The following COL4A4 variants were observed in gnomAD, a reference collection of about 807,000 sequenced individuals.
COL4A4 encodes collagen type IV alpha 4 chain.
A neutral mutation model predicts 192.9 loss-of-function variants in COL4A4; 105 were observed. The observed-to-expected ratio is 0.54, with a 90% CI of 0.46 to 0.64. The LOEUF (loss-of-function observed/expected upper bound fraction) is 0.64, where lower values mean the gene tolerates loss of function less well. Among genes scored for constraint, COL4A4 ranks in the 30% least tolerant of loss-of-function variants. The pLI is 0.00. For missense variants in COL4A4, 1,967 were observed against 2,169.3 expected, an observed-to-expected ratio of 0.91 and a Z score of 1.85; for synonymous variants, 762 against 769.9, an observed-to-expected ratio of 0.99 and a Z score of 0.17.
chr2:227,093,349 G>A (rs948930422), intron 20 of COL4A4, among the ~76,000 whole-genome samples: 2 of 152,044 alleles, frequency 1.3e-5, no homozygotes, highest in African/African-American at 4.8e-5. Context: ...CTAAGATGTA[G>A]GTATACTTAA....
At chr2:227,050,943 TTG>T in intron 33 of COL4A4, 32 bp downstream of exon 33, 1 of 1,613,658 alleles carries the variant, frequency 6.2e-7, no homozygotes, top group Non-Finnish European at 8.5e-7. Context: ...AAAGGTTTTA[TTG>T]TCTCTTCCCC....
Position 227,119,941 on chromosome 2 carries a change from TA to T in COL4A4, c.328-3del. The stretch of plus-strand genomic sequence containing the variant: ...AAATCCAGGAACACCAGTTGGACCC[TA>T]AAATCCCAGAAAATAAAACAAAGAG... On this transcript the variant is annotated splice_polypyrimidine_tract_variant and splice_region_variant and intron_variant, in intron 5 of 47. Transcript: ENST00000396625. 1.3e-6 allele frequency: 2 copies of T among 1,576,042 alleles called. No individual in the cohort carries two copies. The highest frequency in any genetic ancestry group is 1.4e-5 in the African/African-American group (1 of 73,710).
At chr2:227,036,936 C>G (rs1011922468) in intron 37 of COL4A4, among the ~76,000 whole-genome samples, 1 of 152,104 alleles carries the variant, frequency 6.6e-6, no homozygotes, top group Non-Finnish European at 1.5e-5. Flanking sequence ...AATATGGATA[C>G]AAAATCCATA....
intron 25 of COL4A4, among the ~76,000 whole-genome samples, chr2:227,063,982 T>C (rs1383948756): frequency 6.6e-6 from 1 of 152,164 alleles, no homozygotes; most frequent in African/African-American, 2.4e-5. Flanking sequence ...GTAATGCTTT[T>C]ATTTGTTTAA....
chr2:227,008,211 C>T lies in COL4A4; in HGVS notation c.4616G>A (p.Arg1539Lys), dbSNP rs1299842916. 6.2e-7 allele frequency: 1 copy of T among 1,614,092 alleles called. No homozygotes were observed. The highest frequency in any genetic ancestry group is 2.2e-5 in the East Asian group (1 of 44,900). The change falls in exon 47 of 48, where the codon AGA becomes AAA. Residue 1539 changes from arginine (R) to lysine (K), a missense_variant. By Grantham distance (26) the Arg-to-Lys change is conservative (BLOSUM62 2). Coordinates refer to ENST00000396625, the MANE Select transcript of COL4A4 (RefSeq NM_000092.5). ...CGCAGCGCTGGCCAGCCAGTAGGAT[C>T]TGTCGTTTCTCTGGGCATAGTGGCA... ...QVCHYAQRND[R>K]SYWLASAAPL...
chr2:227,027,652 G>GA (rs1244210482), intron 42 of COL4A4, among the ~76,000 whole-genome samples: 1 of 141,350 alleles, frequency 7.1e-6, no homozygotes, highest in East Asian at 2.0e-4. Context: ...TATATATATA[G>GA]AAAAAAATTA....
intron 4 of COL4A4, among the ~76,000 whole-genome samples, chr2:227,131,112 T>A (rs1026403558): frequency 1.9e-4 from 29 of 152,078 alleles, no homozygotes; most frequent in African/African-American, 6.8e-4. Flanking sequence ...CTTTCAAAAA[T>A]TTCTTATTAT....
rs149127892 is a variant in COL4A4 at position 227,143,387 on chromosome 2, A to G, written c.114+1129T>C. On this transcript the variant is annotated intron_variant, in intron 3 of 47. Transcript: ENST00000396625. ...CCTGTGTCAATAGGTACGTGCATTC[A>G]AAATCCGGATGGGTAATACCAAATC... Among the ~76,000 whole-genome samples the G allele has an allele frequency of 1.2e-3, 189 of 152,338 alleles. 1 individual carries two copies. The highest frequency in any genetic ancestry group is 4.4e-3 in the African/African-American group (182 of 41,582).
At chr2:227,141,045 G>A (rs2063173893) in intron 3 of COL4A4, among the ~76,000 whole-genome samples, 1 of 152,140 alleles carries the variant, frequency 6.6e-6, no homozygotes, top group Admixed American at 6.5e-5. Flanking sequence ...TCCCTTAACA[G>A]CAATCACCAT....
intron 3 of COL4A4, among the ~76,000 whole-genome samples, chr2:227,144,011 T>A (rs13409482): frequency 0.52 from 78,468 of 152,028 alleles, 21,129 homozygotes; most frequent in African/African-American, 0.66. Context: ...ACAGATAGGG[T>A]TATGTTCACT....
At position 227,057,830 on chromosome 2, in the gene COL4A4, C is replaced by T. The variant is rs2177597; in HGVS notation, c.2384-230G>A. ...TTACTTGATAAGGTTATGTGGACTGCAGTTGCCTATGCAAATAAGAAACCA... is the reference window on the plus strand; with the variant it reads ...TTACTTGATAAGGTTATGTGGACTGTAGTTGCCTATGCAAATAAGAAACCA... On this transcript the variant is annotated intron_variant, in intron 28 of 47. Coordinates refer to ENST00000396625, the MANE Select transcript of COL4A4 (RefSeq NM_000092.5). 0.65 allele frequency among the ~76,000 whole-genome samples: 98,565 copies of T among 152,140 alleles called. 32,522 individuals are homozygous for T. The highest frequency in any genetic ancestry group is 0.77 in the African/African-American group (31,777 of 41,504).
At chr2:227,102,670 T>G in intron 15 of COL4A4, 119 bp downstream of exon 15, 1 of 845,586 alleles carries the variant, frequency 1.2e-6, no homozygotes, top group South Asian at 1.4e-5. Context: ...CCAAAATGTT[T>G]TGTTCTTACA....
intron 18 of COL4A4, 41 bp from the exon 19 acceptor site, chr2:227,098,839 G>A (rs769811426): frequency 3.4e-6 from 5 of 1,479,904 alleles, no homozygotes; most frequent in African/African-American, 2.8e-5. Context: ...CAAATGGTAT[G>A]TGCATTTTAA....
At chr2:227,018,900 A>C (rs543799921) in intron 44 of COL4A4, among the ~76,000 whole-genome samples, 1 of 152,334 alleles carries the variant, frequency 6.6e-6, no homozygotes, top group Admixed American at 6.5e-5. Context: ...TCAGAAGCTC[A>C]TAGTCTATGG....
At chr2:227,098,268 G>A (rs1054106131) in intron 19 of COL4A4, among the ~76,000 whole-genome samples, 1 of 152,160 alleles carries the variant, frequency 6.6e-6, no homozygotes, top group African/African-American at 2.4e-5. Flanking sequence ...CAGCAGGGTG[G>A]GAAAACATGG....
At chr2:227,069,868 T>C (rs1389692947) in intron 25 of COL4A4, among the ~76,000 whole-genome samples, 2 of 151,264 alleles carry the variant, frequency 1.3e-5, no homozygotes, top group Non-Finnish European at 2.9e-5. Context: ...AATTGACAAA[T>C]GGGATCTAAT....
In COL4A4 at chr2:227,002,762, A is replaced by C. The variant is rs372819527; in HGVS notation, c.*4563T>G. The C allele has an allele frequency of 3.3e-5, 5 of 152,704 alleles. No homozygotes were observed. The highest frequency in any genetic ancestry group is 1.2e-4 in the African/African-American group (5 of 41,474). The allele number at this position is 152,704 out of a possible 1,614,324, so 9.5% of individuals were successfully genotyped here. On this transcript the variant is annotated 3_prime_UTR_variant, in exon 48 of 48. Transcript: ENST00000396625. ...TTATATATAATGAACCATATTATAAATCGTAATACAACAAATATTTAAGTG... is the reference window on the plus strand; with the variant it reads ...TTATATATAATGAACCATATTATAACTCGTAATACAACAAATATTTAAGTG...
At chr2:227,055,136 C>T (rs1049878423) in intron 30 of COL4A4, among the ~76,000 whole-genome samples, 1 of 152,068 alleles carries the variant, frequency 6.6e-6, no homozygotes, top group Admixed American at 6.5e-5. Flanking sequence ...ATATTGTGTT[C>T]CTCGTAGTTC....
At chr2:226,987,378 G>A in the COL4A4 span, among the ~76,000 whole-genome samples, 1 of 152,184 alleles carries the variant, frequency 6.6e-6, no homozygotes, top group Non-Finnish European at 1.5e-5. Flanking sequence ...GCACTGAAGA[G>A]AGACAAAATG....
Sources: allele counts gnomAD v4.1 joint callset (sites outside exome capture counted in the v4.1 genomes callset), GRCh38; gene constraint gnomAD v4.1.1; transcripts MANE v1.5; gene names NCBI Gene and HGNC (gene_info 2026-07-23, HGNC 2026-07-21).